The following RBMS3 variants were observed in gnomAD, a reference collection of about 807,000 sequenced individuals.
The protein encoded by RBMS3 is RNA binding motif single stranded interacting protein 3.
Under a neutral mutation model 66.8 loss-of-function variants are expected in RBMS3, and 27 were observed. The ratio of observed to expected loss-of-function variants is 0.40; its 90% CI spans 0.30 to 0.56. The LOEUF is 0.56. Among genes scored for constraint, RBMS3 ranks in the 20% least tolerant of loss-of-function variants. The pLI, the probability that RBMS3 is intolerant of heterozygous loss-of-function variation, is 0.40. For missense variants in RBMS3, 513 were observed against 549.5 expected, an observed-to-expected ratio of 0.93 and a Z score of 0.66; for synonymous variants, 188 against 183.0, an observed-to-expected ratio of 1.03 and a Z score of -0.22.
At chr3:29,637,429 C>T (rs760482143) in intron 4 of RBMS3, among the ~76,000 whole-genome samples, 4 of 151,870 alleles carry the variant, frequency 2.6e-5, no homozygotes, top group Non-Finnish European at 4.4e-5. Context: ...TTCCTCTTTA[C>T]GTCTTTCTTA....
At chr3:29,806,565 C>T (rs1421676725) in intron 6 of RBMS3, among the ~76,000 whole-genome samples, 3 of 151,918 alleles carry the variant, frequency 2.0e-5, no homozygotes, top group Admixed American at 6.6e-5. Flanking sequence ...GTAAGCCTCA[C>T]ACTCAAAGAC....
At chr3:29,681,163 C>G (rs543571871) in intron 4 of RBMS3, among the ~76,000 whole-genome samples, 1 of 152,184 alleles carries the variant, frequency 6.6e-6, no homozygotes, top group South Asian at 2.1e-4. Context: ...TACTTGTTGG[C>G]CTATATATCC....
intron 5 of RBMS3, 144 bp from the exon 6 acceptor site, chr3:29,762,766 G>T: frequency 1.6e-6 from 1 of 644,764 alleles, no homozygotes; most frequent in Non-Finnish European, 2.8e-6. Context: ...TTATCAATCT[G>T]GTCATCATGT....
chr3:29,329,810 T>G (rs953413042), intron 1 of RBMS3, among the ~76,000 whole-genome samples: 1 of 148,298 alleles, frequency 6.7e-6, no homozygotes, highest in Non-Finnish European at 1.5e-5. Context: ...ATAGATTATA[T>G]ATATTATATG....
chr3:29,387,380 A>G (rs1268984898), intron 1 of RBMS3, among the ~76,000 whole-genome samples: 1 of 152,220 alleles, frequency 6.6e-6, no homozygotes, highest in African/African-American at 2.4e-5. Flanking sequence ...TCACTGATTT[A>G]GCTAAAACTT....
intron 1 of RBMS3, among the ~76,000 whole-genome samples, chr3:29,328,537 A>C (rs1190058615): frequency 2.0e-5 from 3 of 152,128 alleles, no homozygotes; most frequent in African/African-American, 7.2e-5. Context: ...ATTTAATAAG[A>C]ACTTTGGAAT....
At chr3:29,632,898 T>G (rs1366900968) in intron 4 of RBMS3, among the ~76,000 whole-genome samples, 1 of 151,912 alleles carries the variant, frequency 6.6e-6, no homozygotes, top group African/African-American at 2.4e-5. Context: ...CACTTTTTAA[T>G]TATTCTAAGT....
intron 1 of RBMS3, among the ~76,000 whole-genome samples, chr3:29,341,448 C>G (rs1252402325): frequency 6.6e-6 from 1 of 152,066 alleles, no homozygotes; most frequent in Non-Finnish European, 1.5e-5. Context: ...ACTCTGCCAT[C>G]TCAAGCATAA....
At position 29,709,341 on chromosome 3, in the gene RBMS3, T is replaced by G. The variant is rs1264367117; in HGVS notation, c.400-30379T>G. Among the ~76,000 whole-genome samples the G allele has an allele frequency of 2.0e-5, 3 of 152,212 alleles. No homozygotes were observed. The East Asian group carries it at 5.8e-4, about 29-fold the overall frequency. ...AATGCCAGCAACTTCACGGCTGACA[T>G]TAAAAGTGCAGAAATGTTCCGTGAA... On this transcript the variant is annotated intron_variant, in intron 4 of 14. Transcript: ENST00000383767.
intron 4 of RBMS3, among the ~76,000 whole-genome samples, chr3:29,672,959 C>T (rs2051071968): frequency 6.6e-6 from 1 of 152,182 alleles, no homozygotes; most frequent in African/African-American, 2.4e-5. Flanking sequence ...CTCTCCACCC[C>T]AAATCAACAG....
At chr3:29,702,159 C>G (rs2052631095) in intron 4 of RBMS3, among the ~76,000 whole-genome samples, 1 of 151,918 alleles carries the variant, frequency 6.6e-6, no homozygotes, top group Non-Finnish European at 1.5e-5. Flanking sequence ...TGCTGTGTGT[C>G]TAGCTAATCT....
chr3:29,528,276 C>A (rs1361585464), intron 3 of RBMS3, among the ~76,000 whole-genome samples: 1 of 152,062 alleles, frequency 6.6e-6, no homozygotes, highest in African/African-American at 2.4e-5. Flanking sequence ...CCACACCCGG[C>A]TAATTTTTAT....
intron 12 of RBMS3, among the ~76,000 whole-genome samples, chr3:29,945,156 G>C (rs969600502): frequency 2.0e-5 from 3 of 151,592 alleles, no homozygotes; most frequent in Non-Finnish European, 4.4e-5. Flanking sequence ...AAAATACAAA[G>C]AGAAACATGC....
chr3:30,001,090 T>C (rs1195380690), intron 14 of RBMS3, among the ~76,000 whole-genome samples: 2 of 152,114 alleles, frequency 1.3e-5, no homozygotes, highest in Admixed American at 6.6e-5. Context: ...CAGTTTCATC[T>C]ACAATTTGTA....
intron 1 of RBMS3, among the ~76,000 whole-genome samples, chr3:29,372,518 T>C (rs965141101): frequency 4.1e-5 from 1 of 24,188 alleles, no homozygotes; most frequent in Non-Finnish European, 1.2e-4. Flanking sequence ...TTGGAAACTA[T>C]TGAAAAAAAA....
At chr3:29,790,216 T>C (rs2056955878) in intron 6 of RBMS3, among the ~76,000 whole-genome samples, 2 of 152,124 alleles carry the variant, frequency 1.3e-5, no homozygotes, top group Non-Finnish European at 2.9e-5. Flanking sequence ...AAATCTATTC[T>C]AAAATATAGG....
intron 3 of RBMS3, among the ~76,000 whole-genome samples, chr3:29,497,922 C>G (rs569051103): frequency 7.0e-6 from 1 of 143,240 alleles, no homozygotes; most frequent in South Asian, 2.2e-4. Flanking sequence ...GGAAGAGTAC[C>G]AAAGACATAC....
intron 3 of RBMS3, among the ~76,000 whole-genome samples, chr3:29,541,309 C>A (rs2045747071): frequency 6.6e-6 from 1 of 151,898 alleles, no homozygotes; most frequent in African/African-American, 2.4e-5. Flanking sequence ...AGCCAAAACC[C>A]ATCTCACAGT....
chr3:29,647,484 CCATTG>C (rs2049966636), intron 4 of RBMS3, among the ~76,000 whole-genome samples: 1 of 152,172 alleles, frequency 6.6e-6, no homozygotes, highest in African/African-American at 2.4e-5. Flanking sequence ...CCTAAATGTT[CCATTG>C]TCATGTTTCT....
Sources: allele counts gnomAD v4.1 joint callset (sites outside exome capture counted in the v4.1 genomes callset), GRCh38; gene constraint gnomAD v4.1.1; transcripts MANE v1.5; gene names NCBI Gene and HGNC (gene_info 2026-07-23, HGNC 2026-07-21).